The following GIPC2 variants were observed in gnomAD, a reference collection of about 807,000 sequenced individuals.
GIPC2 encodes the protein GIPC PDZ domain containing family member 2, also known as PDZ domain-containing protein GIPC2.
Under a neutral mutation model 30.6 loss-of-function variants are expected in GIPC2, and 30 were observed. The observed-to-expected ratio is 0.98, with a 90% CI of 0.73 to 1.33. GIPC2 has a LOEUF of 1.33. Among genes scored for constraint, GIPC2 ranks in the 40% most tolerant of loss-of-function variants. GIPC2 has a pLI of 0.00. For synonymous variants in GIPC2, 167 were observed against 150.0 expected (o/e 1.11, Z -0.83); for missense variants, 414 against 390.3 (o/e 1.06, Z -0.51).
chr1:78,105,446 C>A (rs1662327466), intron 3 of GIPC2, among the ~76,000 whole-genome samples: 1 of 152,010 alleles, frequency 6.6e-6, no homozygotes, highest in South Asian at 2.1e-4. Context: ...ACCACCACGT[C>A]CAGCTAATTT....
intron 5 of GIPC2, among the ~76,000 whole-genome samples, chr1:78,129,425 A>T (rs1662848561): frequency 1.3e-5 from 2 of 152,266 alleles, no homozygotes; most frequent in Non-Finnish European, 2.9e-5. Context: ...AATTACACTG[A>T]CATCACATTT....
At chr1:78,072,762 A>G (rs944094135) in intron 1 of GIPC2, among the ~76,000 whole-genome samples, 2 of 152,104 alleles carry the variant, frequency 1.3e-5, no homozygotes, top group Non-Finnish European at 2.9e-5. Flanking sequence ...TCTTATGTAT[A>G]AATATGTGGT....
intron 1 of GIPC2, among the ~76,000 whole-genome samples, chr1:78,056,586 TTTC>T (rs1289815749): frequency 2.0e-5 from 3 of 152,220 alleles, no homozygotes; most frequent in African/African-American, 7.2e-5. Flanking sequence ...TTTGCCAACA[TTTC>T]TTTTCTTCCC....
At chr1:78,046,585 G>A (rs1273959625) in intron 1 of GIPC2, among the ~76,000 whole-genome samples, 1 of 152,138 alleles carries the variant, frequency 6.6e-6, no homozygotes, top group Non-Finnish European at 1.5e-5. Flanking sequence ...AGCGGGTTGA[G>A]GGAGGCAACC....
Position 78,137,354 on chromosome 1 carries a change from A to G in GIPC2, c.*1611A>G, listed in dbSNP as rs1461962854. On this transcript the variant is annotated 3_prime_UTR_variant, in exon 6 of 6. Coordinates refer to ENST00000370759, the MANE Select transcript of GIPC2 (RefSeq NM_017655.6). Reference sequence around the variant, plus strand: ...AAAAAAAGAGCTGTTATTTTTAGGCATAAGATGACTTAGGAGGCCCATAGA... The same window carrying G: ...AAAAAAAGAGCTGTTATTTTTAGGCGTAAGATGACTTAGGAGGCCCATAGA... The G allele has an allele frequency of 6.6e-6, 1 of 152,196 alleles. No homozygotes were observed. The highest frequency in any genetic ancestry group is 1.5e-5 in the Non-Finnish European group (1 of 68,020). 9.4% of individuals were successfully genotyped at this position (152,196 alleles called of 1,614,324 possible). A position where few individuals can be genotyped will look rare whatever the true frequency, so the allele number is the denominator to read the frequency against.
At chr1:78,046,485 G>A in intron 1 of GIPC2, 151 bp downstream of exon 1, 1 of 719,370 alleles carries the variant, frequency 1.4e-6, no homozygotes, top group Non-Finnish European at 2.3e-6. Flanking sequence ...CCGGGGGAAA[G>A]TGAGTGTGCC....
At chr1:78,061,989 A>G (rs1661403083) in intron 1 of GIPC2, among the ~76,000 whole-genome samples, 1 of 152,230 alleles carries the variant, frequency 6.6e-6, no homozygotes. Flanking sequence ...GAACTCAAGC[A>G]TTCAGAATGT....
Position 78,080,881 on chromosome 1 carries a change from G to A in GIPC2, c.426+21G>A, listed in dbSNP as rs1031081347. On this transcript the variant is annotated intron_variant, in intron 2 of 5. Transcript: ENST00000370759. ...TAAAGGTAAGTTTTAAAAAATAACA[G>A]TGTAACCTAATTGAGGATAACATTT... 2.8e-6 allele frequency: 4 copies of A among 1,417,544 alleles called. No homozygotes were observed. In the African/African-American group the frequency reaches 4.3e-5, roughly 15 times the overall value. 87.8% of individuals were successfully genotyped at this position (1,417,544 alleles called of 1,614,324 possible).
rs1662772798 is a variant in GIPC2, at chr1:78,125,920, G to A, written c.754G>A (p.Asp252Asn). Residue 252 changes from aspartate (D) to asparagine (N), a missense_variant, in exon 5 of 6, where the codon GAT becomes AAT. Physicochemically the swap from Asp to Asn is conservative, Grantham distance 23 (BLOSUM62 1). Transcript: ENST00000370759. ...TKAKAIEKID[D>N]VLELYMGIRD... is the part of the protein sequence containing the mutation. ...AGCAAAGGCAATTGAAAAGATTGATGATGTTCTTGAGTTGTACATGGGAAT... is the reference window on the plus strand; with the variant it reads ...AGCAAAGGCAATTGAAAAGATTGATAATGTTCTTGAGTTGTACATGGGAAT... 1 of 1,591,438 alleles carries A rather than the reference G, an allele frequency of 6.3e-7. No individual in the cohort carries two copies.
At chr1:78,092,584 A>G (rs1662062386) in intron 2 of GIPC2, among the ~76,000 whole-genome samples, 1 of 152,228 alleles carries the variant, frequency 6.6e-6, no homozygotes, top group Admixed American at 6.5e-5. Flanking sequence ...ATCAAAGCAC[A>G]TTAGGTTTCA....
intron 1 of GIPC2, among the ~76,000 whole-genome samples, chr1:78,059,089 T>A (rs1661347617): frequency 6.6e-6 from 1 of 152,200 alleles, no homozygotes; most frequent in South Asian, 2.1e-4. Context: ...GCCAGTTGCC[T>A]CTTAGAATCA....
chr1:78,105,794 T>C (rs1435682632), intron 3 of GIPC2, among the ~76,000 whole-genome samples: 1 of 152,210 alleles, frequency 6.6e-6, no homozygotes, highest in Non-Finnish European at 1.5e-5. Context: ...ATTATATAAA[T>C]AATACATATT....
At chr1:78,074,206 T>C (rs925100597) in intron 1 of GIPC2, among the ~76,000 whole-genome samples, 6 of 152,162 alleles carry the variant, frequency 3.9e-5, no homozygotes, top group African/African-American at 1.4e-4. Context: ...AATAAAAACC[T>C]TTAAATTGAG....
chr1:78,078,994 A>G (rs1300945404), intron 1 of GIPC2, among the ~76,000 whole-genome samples: 1 of 152,192 alleles, frequency 6.6e-6, no homozygotes, highest in African/African-American at 2.4e-5. Context: ...TCAGCAAACT[A>G]ATATGCCATT....
intron 1 of GIPC2, among the ~76,000 whole-genome samples, chr1:78,051,163 T>C (rs1176474180): frequency 2.6e-5 from 4 of 151,574 alleles, no homozygotes; most frequent in Admixed American, 6.6e-5. Context: ...CCCACTTTGC[T>C]CAATACATTC....
At chr1:78,088,187 C>T (rs935746920) in intron 2 of GIPC2, among the ~76,000 whole-genome samples, 6 of 152,116 alleles carry the variant, frequency 3.9e-5, no homozygotes, top group African/African-American at 1.2e-4. Flanking sequence ...TGTGGAAAAC[C>T]GTATGGCAAT....
At chr1:78,048,759 A>G (rs1405561674) in intron 1 of GIPC2, among the ~76,000 whole-genome samples, 1 of 152,056 alleles carries the variant, frequency 6.6e-6, no homozygotes, top group East Asian at 1.9e-4. Context: ...TTGTTACCCA[A>G]GTTTTCCAGA....
chr1:78,045,986 T>G lies in GIPC2; in HGVS notation c.-109T>G. On this transcript the variant is annotated 5_prime_UTR_variant, in exon 1 of 6. Transcript: ENST00000370759. ...CAGCCAGGCGGAAGCGCGGCTGCCA[T>G]TGGAGGCTGCTTTTACCTGCGCGGG... 1.4e-6 allele frequency: 2 copies of G among 1,380,920 alleles called. No individual in the cohort carries two copies. The highest frequency in any genetic ancestry group is 1.9e-6 in the Non-Finnish European group (2 of 1,070,566). 85.5% of individuals were successfully genotyped at this position (1,380,920 alleles called of 1,614,324 possible).
intron 1 of GIPC2, among the ~76,000 whole-genome samples, chr1:78,056,617 AT>A (rs780853691): frequency 2.6e-5 from 4 of 152,226 alleles, no homozygotes; most frequent in Non-Finnish European, 5.9e-5. Context: ...CAAAATTTTT[AT>A]TAAATATAAC....
Sources: allele counts gnomAD v4.1 joint callset (sites outside exome capture counted in the v4.1 genomes callset), GRCh38; gene constraint gnomAD v4.1.1; transcripts MANE v1.5; gene names NCBI Gene and HGNC (gene_info 2026-07-23, HGNC 2026-07-21).